CADM2: variants seen among roughly 807,000 people sequenced by gnomAD.
The protein encoded by CADM2 is cell adhesion molecule 2.
A neutral mutation model predicts 49.8 loss-of-function variants in CADM2; 12 were observed. The observed-to-expected ratio is 0.24, with a 90% confidence interval of 0.15 to 0.39. The LOEUF is 0.39. Ranked by LOEUF, CADM2 falls within the 10% of genes least tolerant of loss-of-function variation. The pLI, the probability that CADM2 is intolerant of heterozygous loss-of-function variation, is 1.00. For missense variants in CADM2, 378 were observed against 492.3 expected (o/e 0.77, Z 2.20); for synonymous variants, 214 against 175.4 (o/e 1.22, Z -1.74).
intron 1 of CADM2, among the ~76,000 whole-genome samples, chr3:85,317,357 G>C (rs963133749): frequency 1.4e-4 from 21 of 152,166 alleles, no homozygotes; most frequent in African/African-American, 4.6e-4. Flanking sequence ...CCCTATTTGA[G>C]TGAAACTCTT....
rs1027485756 is a variant in CADM2, at chr3:85,807,098, G to A, written c.238+4902G>A. Among the ~76,000 whole-genome samples the A allele has an allele frequency of 5.3e-5, 8 of 152,214 alleles. No homozygotes were observed. In the South Asian group the frequency reaches 8.3e-4, roughly 16 times the overall value. ...TTCCTGAAAGCAATGGCATTTGGACGCCATGTCATTTTAAATGTAACCTGG... is the reference window on the plus strand; with the variant it reads ...TTCCTGAAAGCAATGGCATTTGGACACCATGTCATTTTAAATGTAACCTGG... On this transcript the variant is annotated intron_variant, in intron 3 of 9. Coordinates refer to ENST00000383699, the MANE Select transcript of CADM2 (RefSeq NM_001167675.2).
chr3:85,785,439 T>C (rs2070925898), intron 2 of CADM2, among the ~76,000 whole-genome samples: 1 of 152,106 alleles, frequency 6.6e-6, no homozygotes, highest in South Asian at 2.1e-4. Flanking sequence ...CCTCAGCAGA[T>C]ATACTAAGCA....
chr3:85,473,883 C>T (rs562783180), intron 1 of CADM2, among the ~76,000 whole-genome samples: 14 of 152,038 alleles, frequency 9.2e-5, no homozygotes, highest in Non-Finnish European at 1.8e-4. Flanking sequence ...AAAGTCAAAT[C>T]CAGCAATGCC....
At chr3:85,774,917 T>C (rs2070284429) in intron 2 of CADM2, among the ~76,000 whole-genome samples, 1 of 151,704 alleles carries the variant, frequency 6.6e-6, no homozygotes, top group Non-Finnish European at 1.5e-5. Context: ...CACATGTATA[T>C]AGTTAAATCA....
rs184813469 is a variant in CADM2, at chr3:85,009,889, A to G, written c.61+50221A>G. 6.7e-5 allele frequency among the ~76,000 whole-genome samples: 10 copies of G among 149,670 alleles called. No individual in the cohort carries two copies. In the East Asian group the frequency reaches 1.9e-3, roughly 29 times the overall value. ...TCAATAAATAAATAAATAAATAAAT[A>G]AATAAATAAATAAATAAATATTTTA... On this transcript the variant is annotated intron_variant, in intron 1 of 9. Coordinates refer to ENST00000383699, the MANE Select transcript of CADM2 (RefSeq NM_001167675.2).
At chr3:85,525,862 C>T (rs2061148797) in intron 1 of CADM2, among the ~76,000 whole-genome samples, 1 of 152,008 alleles carries the variant, frequency 6.6e-6, no homozygotes, top group Admixed American at 6.6e-5. Flanking sequence ...TGATTTGTCA[C>T]ACTGTACTTT....
chr3:85,494,880 A>C (rs1051632823), intron 1 of CADM2, among the ~76,000 whole-genome samples: 16 of 152,180 alleles, frequency 1.1e-4, no homozygotes, highest in African/African-American at 3.6e-4. Context: ...TGATGTCACA[A>C]TGCGGATGAA....
At chr3:85,712,785 C>T (rs765543480) in intron 1 of CADM2, among the ~76,000 whole-genome samples, 1 of 151,928 alleles carries the variant, frequency 6.6e-6, no homozygotes, top group Non-Finnish European at 1.5e-5. Context: ...ATATTTGGCA[C>T]AGAAATCTAG....
At chr3:85,176,098 G>A (rs1463347137) in intron 1 of CADM2, among the ~76,000 whole-genome samples, 1 of 151,962 alleles carries the variant, frequency 6.6e-6, no homozygotes, top group African/African-American at 2.4e-5. Flanking sequence ...AAATGGTCAA[G>A]AGGAGAAATC....
At chr3:85,916,295 A>C (rs1006292506) in intron 6 of CADM2, among the ~76,000 whole-genome samples, 1 of 150,978 alleles carries the variant, frequency 6.6e-6, no homozygotes, top group Non-Finnish European at 1.5e-5. Context: ...AGCGTTAGGT[A>C]TATCTCCTAA....
At chr3:85,981,027 C>T (rs1039432386) in intron 8 of CADM2, among the ~76,000 whole-genome samples, 2 of 151,180 alleles carry the variant, frequency 1.3e-5, no homozygotes, top group African/African-American at 4.8e-5. Context: ...TTCTCCCCAC[C>T]CCCAACAAAC....
At chr3:85,637,325 G>A (rs1049664543) in intron 1 of CADM2, among the ~76,000 whole-genome samples, 8 of 151,812 alleles carry the variant, frequency 5.3e-5, no homozygotes, top group African/African-American at 1.2e-4. Flanking sequence ...ATTATTGGCC[G>A]GGCGCGGTGG....
chr3:86,013,516 A>C, intron 8 of CADM2: 1 of 1,604,766 alleles, frequency 6.2e-7, no homozygotes, highest in South Asian at 1.1e-5. Flanking sequence ...ACAGCAGTTA[A>C]CACGTTGTTT....
At chr3:85,783,292 G>C (rs1002658040) in intron 2 of CADM2, among the ~76,000 whole-genome samples, 2 of 152,148 alleles carry the variant, frequency 1.3e-5, no homozygotes, top group Non-Finnish European at 2.9e-5. Flanking sequence ...ACAAAAATAA[G>C]CCATTAAAAT....
intron 9 of CADM2, among the ~76,000 whole-genome samples, chr3:86,066,227 G>C (rs1415165064): frequency 6.6e-6 from 1 of 150,386 alleles, no homozygotes; most frequent in East Asian, 2.0e-4. Context: ...CAGCTACTCG[G>C]GAGGCTGAGG....
At chr3:85,590,023 G>A (rs571563403) in intron 1 of CADM2, among the ~76,000 whole-genome samples, 12 of 151,900 alleles carry the variant, frequency 7.9e-5, no homozygotes, top group Non-Finnish European at 1.5e-4. Context: ...TTTGTGGAAT[G>A]TACATTTAAA....
At chr3:85,884,021 G>C (rs928752494) in intron 4 of CADM2, among the ~76,000 whole-genome samples, 3 of 152,120 alleles carry the variant, frequency 2.0e-5, no homozygotes, top group African/African-American at 7.2e-5. Flanking sequence ...CTTGCAGCTT[G>C]TAGTTTCTTT....
intron 1 of CADM2, among the ~76,000 whole-genome samples, chr3:85,006,316 G>A (rs112438544): frequency 2.0e-4 from 31 of 152,130 alleles, no homozygotes; most frequent in African/African-American, 7.2e-4. Context: ...TAGATTGGCT[G>A]TTTGAGCCAC....
intron 1 of CADM2, among the ~76,000 whole-genome samples, chr3:85,628,234 T>C (rs2064183637): frequency 6.6e-6 from 1 of 152,044 alleles, no homozygotes; most frequent in African/African-American, 2.4e-5. Flanking sequence ...GTGCCTCTGC[T>C]TTAGGAGTAC....
Sources: gnomAD v4.1 joint callset for allele counts (sites outside exome capture counted in the v4.1 genomes callset) on GRCh38, gnomAD v4.1.1 for gene constraint, MANE v1.5 for transcripts, NCBI Gene and HGNC (gene_info 2026-07-23, HGNC 2026-07-21) for gene names.